ENTREP2: variants seen among roughly 807,000 people sequenced by gnomAD.
The protein encoded by ENTREP2 is endosomal transmembrane epsin interactor 2.
At chr15:29,662,630 G>A in the ENTREP2 span, among the ~76,000 whole-genome samples, 2 of 152,116 alleles carry the variant, frequency 1.3e-5, no homozygotes, top group Non-Finnish European at 2.9e-5. Flanking sequence ...TCGCCCAGCA[G>A]TGTTCACAAC....
the ENTREP2 span, among the ~76,000 whole-genome samples, chr15:29,639,791 G>C: frequency 8.3e-6 from 1 of 120,856 alleles, no homozygotes; most frequent in Non-Finnish European, 1.6e-5. Context: ...TTTTTGAGAC[G>C]AAGTCTCACT....
chr15:29,269,960 GTGT>G, the ENTREP2 span: 1 of 445,890 alleles, frequency 2.2e-6, no homozygotes, highest in Non-Finnish European at 3.9e-6. Context: ...GTATAGTGAA[GTGT>G]TGTTACCAAA....
chr15:29,332,684 G>A, the ENTREP2 span, among the ~76,000 whole-genome samples: 1 of 152,178 alleles, frequency 6.6e-6, no homozygotes, highest in Non-Finnish European at 1.5e-5. Context: ...TTGGAGCCGG[G>A]TGGGGTGGCT....
chr15:29,470,362 A>G, the ENTREP2 span, among the ~76,000 whole-genome samples: 1 of 152,070 alleles, frequency 6.6e-6, no homozygotes, highest in African/African-American at 2.4e-5. Context: ...ACACTCATCA[A>G]TCAGCAGGTG....
chr15:29,582,816 TG>T, the ENTREP2 span, among the ~76,000 whole-genome samples: 8 of 152,084 alleles, frequency 5.3e-5, no homozygotes, highest in African/African-American at 1.9e-4. Flanking sequence ...CACGCCTGGC[TG>T]ATTTTTGTAT....
At chr15:29,619,796 C>T in the ENTREP2 span, among the ~76,000 whole-genome samples, 3 of 152,192 alleles carry the variant, frequency 2.0e-5, no homozygotes, top group South Asian at 6.2e-4. Flanking sequence ...CCAGGCTCAT[C>T]CTCCCACTCC....
At chr15:29,416,635 A>G in the ENTREP2 span, among the ~76,000 whole-genome samples, 11 of 152,172 alleles carry the variant, frequency 7.2e-5, no homozygotes, top group Non-Finnish European at 1.3e-4. Context: ...ACAAAAGCCA[A>G]AATTGACAAA....
the ENTREP2 span, among the ~76,000 whole-genome samples, chr15:29,566,162 T>G: frequency 6.6e-6 from 1 of 151,764 alleles, no homozygotes; most frequent in Non-Finnish European, 1.5e-5. Flanking sequence ...TTTGTTTGTT[T>G]GTTTGTTTGT....
chr15:29,139,608 G>A, the ENTREP2 span, among the ~76,000 whole-genome samples: 1 of 152,186 alleles, frequency 6.6e-6, no homozygotes, highest in African/African-American at 2.4e-5. Context: ...ATTTGAGGAG[G>A]GGCAGAGGTG....
the ENTREP2 span, among the ~76,000 whole-genome samples, chr15:29,609,377 T>C: frequency 2.7e-5 from 4 of 150,278 alleles, no homozygotes; most frequent in East Asian, 2.0e-4. Context: ...CAAACTCATG[T>C]TGAAATTTAA....
the ENTREP2 span, among the ~76,000 whole-genome samples, chr15:29,206,775 AGT>A: frequency 6.6e-6 from 1 of 152,170 alleles, no homozygotes; most frequent in Non-Finnish European, 1.5e-5. Context: ...TTACACTTTA[AGT>A]GGGTGAATTG....
At chr15:29,596,106 C>T in the ENTREP2 span, among the ~76,000 whole-genome samples, 7 of 152,114 alleles carry the variant, frequency 4.6e-5, no homozygotes, top group Non-Finnish European at 7.3e-5. Flanking sequence ...TGCTTGTAGG[C>T]CTGCTCAGTT....
chr15:29,128,286 G>A, the ENTREP2 span, among the ~76,000 whole-genome samples: 3 of 152,090 alleles, frequency 2.0e-5, no homozygotes, highest in African/African-American at 7.2e-5. Context: ...GGCTCTGCAC[G>A]CGACACCCAC....
the ENTREP2 span, among the ~76,000 whole-genome samples, chr15:29,616,776 A>G: frequency 6.6e-6 from 1 of 152,192 alleles, no homozygotes; most frequent in Non-Finnish European, 1.5e-5. Flanking sequence ...ACAGAGATAA[A>G]TAAGAGGAAA....
the ENTREP2 span, among the ~76,000 whole-genome samples, chr15:29,251,860 T>A: frequency 6.6e-6 from 1 of 151,512 alleles, no homozygotes; most frequent in African/African-American, 2.4e-5. Flanking sequence ...ATTGAATACC[T>A]CTGTTCTACA....
the ENTREP2 span, among the ~76,000 whole-genome samples, chr15:29,127,680 G>C: frequency 2.6e-5 from 4 of 152,314 alleles, no homozygotes; most frequent in African/African-American, 4.8e-5. Context: ...GTCAGCTGTA[G>C]AGTTCACCGC....
the ENTREP2 span, among the ~76,000 whole-genome samples, chr15:29,150,835 T>G: frequency 6.6e-6 from 1 of 152,106 alleles, no homozygotes; most frequent in African/African-American, 2.4e-5. Context: ...TGCCTTTTCT[T>G]GCATAAGATG....
chr15:29,234,845 G>C, the ENTREP2 span: 2 of 1,415,490 alleles, frequency 1.4e-6, no homozygotes, highest in African/African-American at 2.8e-5. Flanking sequence ...CTTTGCATTA[G>C]ATATGTTTGC....
At chr15:29,385,834 GC>G in the ENTREP2 span, among the ~76,000 whole-genome samples, 1 of 152,028 alleles carries the variant, frequency 6.6e-6, no homozygotes, top group Admixed American at 6.6e-5. Context: ...GGCCTCCCAT[GC>G]CCCCCATCCT....
Sources: gnomAD v4.1 joint callset for allele counts (sites outside exome capture counted in the v4.1 genomes callset) on GRCh38, gnomAD v4.1.1 for gene constraint, MANE v1.5 for transcripts, NCBI Gene and HGNC (gene_info 2026-07-23, HGNC 2026-07-21) for gene names.